PUDP: variants seen among roughly 807,000 people sequenced by gnomAD.
PUDP encodes the protein pseudouridine-5'-phosphatase.
A neutral mutation model predicts 9.4 loss-of-function variants in PUDP; 8 were observed. The ratio of observed to expected loss-of-function variants is 0.85; its 90% CI spans 0.50 to 1.53. The LOEUF is 1.53. Ranked by LOEUF, PUDP falls within the 40% of genes most tolerant of loss-of-function variation. PUDP has a pLI of 0.00. For synonymous variants in PUDP, 99 were observed against 80.7 expected, an observed-to-expected ratio of 1.23 and a Z score of -1.22; for missense variants, 188 against 189.7, an observed-to-expected ratio of 0.99 and a Z score of 0.05.
At position 6,765,278 on chromosome X, in the gene PUDP, T is replaced by A. The variant is rs1925271056; in HGVS notation, c.*248-58812A>T. Among the ~76,000 whole-genome samples, 3 of 110,460 alleles carry A rather than the reference T, an allele frequency of 2.7e-5. No individual in the cohort carries two copies. In the Admixed American group the frequency reaches 2.9e-4, roughly 11 times the overall value. On this transcript the variant is annotated intron_variant and NMD_transcript_variant, in intron 3 of 3. Transcript: ENST00000655425. ...CTAGACAACAGAGCCAGACCCTGTC[T>A]CAAAAAACAAACAAACAAACAAACA...
chrX:7,067,927 C>T lies in PUDP; in HGVS notation c.510+9293G>A, dbSNP rs184581763. On this transcript the variant is annotated intron_variant, in intron 3 of 3. Transcript: ENST00000381077. ...TGATGGTTTTGTAAGGGAGAGATTCCCTGCATAAGCTCTCTTTTTGCCCAC... is the reference window on the plus strand; with the variant it reads ...TGATGGTTTTGTAAGGGAGAGATTCTCTGCATAAGCTCTCTTTTTGCCCAC... 1.1e-4 allele frequency among the ~76,000 whole-genome samples: 12 copies of T among 111,094 alleles called. No homozygotes were observed. In the East Asian group the frequency reaches 3.4e-3, roughly 32 times the overall value.
intron 2 of PUDP, among the ~76,000 whole-genome samples, chrX:7,090,351 T>C (rs974845738): frequency 1.3e-4 from 14 of 111,253 alleles, no homozygotes; most frequent in Non-Finnish European, 2.1e-4. Context: ...TTACCATGCA[T>C]AGAATATTTT....
chrX:6,850,131 T>C (rs1926805853), intron 3 of PUDP, among the ~76,000 whole-genome samples: 1 of 109,708 alleles, frequency 9.1e-6, no homozygotes, highest in African/African-American at 3.3e-5. Context: ...AAAAAGGAGA[T>C]TGGAATTCTA....
chrX:6,962,953 G>T (rs1245337453), intron 3 of PUDP, among the ~76,000 whole-genome samples: 1 of 112,940 alleles, frequency 8.9e-6, no homozygotes, highest in Non-Finnish European at 1.9e-5. Context: ...GGCAGATGAA[G>T]CTCTGAGACT....
chrX:7,110,109 G>A (rs1931999346), intron 1 of PUDP, among the ~76,000 whole-genome samples: 1 of 111,897 alleles, frequency 8.9e-6, no homozygotes, highest in Non-Finnish European at 1.9e-5. Flanking sequence ...CCCCAGGCTG[G>A]GGCCCAAAGA....
intron 3 of PUDP, among the ~76,000 whole-genome samples, chrX:6,953,143 G>A (rs1391169569): frequency 9.0e-6 from 1 of 111,646 alleles, no homozygotes; most frequent in East Asian, 2.8e-4. Context: ...CCCACTGTTA[G>A]TTACTCCTTG....
At chrX:6,920,065 C>A (rs1314708244) in intron 3 of PUDP, among the ~76,000 whole-genome samples, 1 of 108,650 alleles carries the variant, frequency 9.2e-6, no homozygotes, top group African/African-American at 3.4e-5. Flanking sequence ...AGGTTTACCT[C>A]TCCTAGAATC....
At chrX:6,707,686 C>T (rs1022668383) in intron 1 of PUDP, among the ~76,000 whole-genome samples, 8 of 111,133 alleles carry the variant, frequency 7.2e-5, no homozygotes, top group Admixed American at 1.9e-4. Context: ...TGATGGGGAG[C>T]GGCTGTAAAT....
chrX:6,932,518 C>G (rs1475093482), intron 3 of PUDP, among the ~76,000 whole-genome samples: 1 of 111,688 alleles, frequency 9.0e-6, no homozygotes, highest in East Asian at 2.8e-4. Context: ...GGAACAGCTC[C>G]GGTCTACAGC....
In PUDP at chrX:6,879,254, T is replaced by C. The variant is rs759342798; in HGVS notation, c.*247+97879A>G. 3.9e-4 allele frequency among the ~76,000 whole-genome samples: 44 copies of C among 112,138 alleles called. No individual in the cohort carries two copies. In the South Asian group the frequency reaches 0.016, roughly 40 times the overall value. ...ATAATGCTCAAAAAGACTTCTGCAC[T>C]GCAGTGTTTTGGGTGAAATGTCCGT... On this transcript the variant is annotated intron_variant and NMD_transcript_variant, in intron 3 of 3. Coordinates refer to the PUDP transcript ENST00000655425.
chrX:7,057,889 C>G, intron 3 of PUDP: 1 of 827,408 alleles, frequency 1.2e-6, no homozygotes, highest in Admixed American at 2.7e-5. Flanking sequence ...GTTAGGTTTT[C>G]AAGAGGGAAG....
chrX:7,046,110 T>G (rs200993295), downstream of PUDP, among the ~76,000 whole-genome samples: 2 of 112,232 alleles, frequency 1.8e-5, no homozygotes, highest in African/African-American at 6.5e-5. Flanking sequence ...TGAAAATTCT[T>G]TTTTGTTTGT....
chrX:7,101,221 A>G (rs368579395), intron 2 of PUDP, among the ~76,000 whole-genome samples: 2 of 112,407 alleles, frequency 1.8e-5, no homozygotes, highest in East Asian at 5.6e-4. Context: ...AAAAGTTAAA[A>G]TAAGTATATG....
intron 3 of PUDP, among the ~76,000 whole-genome samples, chrX:7,056,091 T>C (rs1418578174): frequency 8.9e-6 from 1 of 112,308 alleles, no homozygotes; most frequent in East Asian, 2.8e-4. Flanking sequence ...GACCTAAAAC[T>C]CATTCATACC....
chrX:6,920,384 A>C (rs1928003871), intron 3 of PUDP, among the ~76,000 whole-genome samples: 1 of 110,942 alleles, frequency 9.0e-6, no homozygotes. Flanking sequence ...CTGAAATTTT[A>C]GGTCCATCTC....
chrX:7,144,839 C>T (rs1932832118), intron 1 of PUDP, among the ~76,000 whole-genome samples: 1 of 111,764 alleles, frequency 8.9e-6, no homozygotes, highest in African/African-American at 3.3e-5. Context: ...GCTTATTTTC[C>T]TTTGATTTTA....
chrX:7,006,337 A>G (rs1292963114), intron 1 of PUDP, among the ~76,000 whole-genome samples: 2 of 112,064 alleles, frequency 1.8e-5, no homozygotes, highest in African/African-American at 3.3e-5. Flanking sequence ...TCTCATTAAC[A>G]CATTATTTTC....
intron 3 of PUDP, among the ~76,000 whole-genome samples, chrX:6,882,425 T>C (rs147706867): frequency 2.7e-5 from 3 of 111,465 alleles, no homozygotes; most frequent in African/African-American, 9.8e-5. Flanking sequence ...GATTAAGAAA[T>C]GTAATGGTTA....
intron 3 of PUDP, among the ~76,000 whole-genome samples, chrX:6,915,665 TTA>T (rs1927918021): frequency 1.8e-5 from 2 of 112,329 alleles, no homozygotes; most frequent in Admixed American, 1.9e-4. Context: ...AGTACATTTC[TTA>T]TATGTTTTGT....
Sources: allele counts gnomAD v4.1 joint callset (sites outside exome capture counted in the v4.1 genomes callset), GRCh38; gene constraint gnomAD v4.1.1; transcripts MANE v1.5; gene names NCBI Gene and HGNC (gene_info 2026-07-23, HGNC 2026-07-21).